The following GLIS3 variants were observed in gnomAD, a reference collection of about 807,000 sequenced individuals.
The protein encoded by GLIS3 is zinc finger protein GLIS3.
Under a neutral mutation model 78.6 loss-of-function variants are expected in GLIS3, and 53 were observed. The observed-to-expected ratio is 0.67, with a 90% confidence interval of 0.54 to 0.85. The LOEUF is 0.85. GLIS3 is among the 40% of genes least tolerant of loss of function. GLIS3 has a pLI of 0.00. For synonymous variants in GLIS3, 684 were observed against 509.9 expected (o/e 1.34, Z -4.60); for missense variants, 1,703 against 1,231.1 (o/e 1.38, Z -5.74).
chr9:4,046,427 C>T (rs946610374), intron 4 of GLIS3, among the ~76,000 whole-genome samples: 16 of 152,132 alleles, frequency 1.1e-4, no homozygotes, highest in African/African-American at 3.4e-4. Context: ...GGATATAACA[C>T]TTTGGGGCCC....
chr9:3,850,893 A>G (rs1310445437), intron 9 of GLIS3, among the ~76,000 whole-genome samples: 3 of 152,160 alleles, frequency 2.0e-5, no homozygotes, highest in Non-Finnish European at 4.4e-5. Context: ...CCAATAAGGT[A>G]TTTATCTTCA....
rs1341001486 is a variant in GLIS3 at position 3,827,113 on chromosome 9, TG to T, written c.*1158del. The T allele has an allele frequency of 1.3e-5, 2 of 152,156 alleles. No homozygotes were observed. Among genetic ancestry groups the T allele is most frequent in the Non-Finnish European group, 2.9e-5 (2 of 68,038 alleles). The allele number at this position is 152,156 out of a possible 1,614,324, so 9.4% of individuals were successfully genotyped here. ...AAGATGATCAGACAATGGCGGCTGGTGGGGATATATGAACCACAGTCAGGAA... is the reference window on the plus strand; with the variant it reads ...AAGATGATCAGACAATGGCGGCTGGTGGGATATATGAACCACAGTCAGGAA... On this transcript the variant is annotated 3_prime_UTR_variant, in exon 11 of 11. Transcript: ENST00000381971.
At position 4,249,150 on chromosome 9, in the gene GLIS3, T is replaced by C. The variant is rs182639966; in HGVS notation, c.388+36888A>G. Among the ~76,000 whole-genome samples the C allele has an allele frequency of 1.9e-4, 29 of 152,328 alleles. 1 individual carries two copies. The highest frequency in any genetic ancestry group is 1.7e-3 in the Admixed American group (26 of 15,302). On this transcript the variant is annotated intron_variant, in intron 2 of 10. Transcript: ENST00000381971. ...TCCATATGAAATTTAAAGCAGTTTT[T>C]TCTAATTCTGTAAAGAAAATAGCTT...
the GLIS3 span, among the ~76,000 whole-genome samples, chr9:4,397,360 G>C: frequency 2.4e-3 from 370 of 151,760 alleles, 5 homozygotes; most frequent in African/African-American, 8.3e-3. Context: ...GGTTTTGTTT[G>C]TTTGGTTTTT....
intron 2 of GLIS3, among the ~76,000 whole-genome samples, chr9:4,166,812 G>T (rs1815885098): frequency 6.6e-6 from 1 of 152,212 alleles, no homozygotes; most frequent in Admixed American, 6.5e-5. Flanking sequence ...TCACCTAAGG[G>T]TAATTAAGAG....
chr9:4,358,668 TGTACA>T, the GLIS3 span, among the ~76,000 whole-genome samples: 1,442 of 152,288 alleles, frequency 9.5e-3, 22 homozygotes, highest in African/African-American at 0.033. Flanking sequence ...TGGCATGCCT[TGTACA>T]GTAGTCTTTC....
At chr9:4,098,160 G>A (rs1830105296) in intron 4 of GLIS3, among the ~76,000 whole-genome samples, 1 of 152,188 alleles carries the variant, frequency 6.6e-6, no homozygotes, top group South Asian at 2.1e-4. Flanking sequence ...GGATCTCACT[G>A]AAGCTACAGA....
chr9:4,098,648 T>G (rs1408577181), intron 4 of GLIS3, among the ~76,000 whole-genome samples: 1 of 152,210 alleles, frequency 6.6e-6, no homozygotes, highest in Non-Finnish European at 1.5e-5. Context: ...AATCTCAAAT[T>G]TATTGAAATA....
the GLIS3 span, among the ~76,000 whole-genome samples, chr9:4,361,721 G>A: frequency 6.6e-6 from 1 of 152,154 alleles, no homozygotes; most frequent in African/African-American, 2.4e-5. Context: ...GGAAGAGTCG[G>A]CATTAAAAGT....
At chr9:3,980,813 T>TTTC (rs201436802) in intron 4 of GLIS3, among the ~76,000 whole-genome samples, 37 of 152,174 alleles carry the variant, frequency 2.4e-4, no homozygotes, top group South Asian at 4.2e-4. Context: ...CTCACTGACT[T>TTTC]TTCTTCTTCT....
the GLIS3 span, among the ~76,000 whole-genome samples, chr9:4,473,300 G>A: frequency 2.0e-5 from 3 of 152,110 alleles, no homozygotes; most frequent in Non-Finnish European, 4.4e-5. Context: ...ACAAAAAGTA[G>A]CTGAGCATGA....
rs1278322803 is a variant in GLIS3, at chr9:3,829,467, G to C, written c.2499C>G (p.Phe833Leu). 2 of 1,614,124 alleles carry C rather than the reference G, an allele frequency of 1.2e-6. No individual in the cohort carries two copies. Among genetic ancestry groups the C allele is most frequent in the Admixed American group, 1.7e-5 (1 of 60,022 alleles). ...VHGFYGQLQK[F>L]CPPHYPDSQR... is the part of the protein sequence containing the mutation. The stretch of plus-strand genomic sequence containing the variant: ...GGGAATCGGGGTAGTGTGGGGGACA[G>C]AACTTCTGCAGCTGCCCATAAAATC... The change falls in exon 10 of 11, where the codon TTC becomes TTG. Residue 833 changes from phenylalanine to leucine, a missense_variant. By Grantham distance (22) the Phe-to-Leu change is conservative. Transcript: ENST00000381971.
intron 9 of GLIS3, among the ~76,000 whole-genome samples, chr9:3,839,121 AAGC>A (rs1287255099): frequency 1.3e-5 from 2 of 152,198 alleles, no homozygotes; most frequent in African/African-American, 4.8e-5. Flanking sequence ...TTTGTCCTGT[AAGC>A]AGGTACTTCA....
intron 4 of GLIS3, among the ~76,000 whole-genome samples, chr9:3,964,732 G>C (rs193199849): frequency 2.0e-5 from 3 of 152,274 alleles, no homozygotes; most frequent in African/African-American, 4.8e-5. Context: ...ATTGGTATCA[G>C]GTGAAATGAT....
rs1817706052 is a variant in GLIS3, at chr9:3,963,351, G to C, written c.1711-26162C>G. The stretch of plus-strand genomic sequence containing the variant: ...GAGCTCTGAACAAAACTGGCAGTGA[G>C]AGTATGCTGGAATATTGAAGTGACG... On this transcript the variant is annotated intron_variant, in intron 4 of 10. Transcript: ENST00000381971. Among the ~76,000 whole-genome samples, 4 of 152,278 alleles carry C rather than the reference G, an allele frequency of 2.6e-5. 1 individual carries two copies. Among genetic ancestry groups the C allele is most frequent in the Admixed American group, 2.6e-4 (4 of 15,300 alleles).
chr9:4,114,251 G>A (rs569555516), intron 4 of GLIS3, among the ~76,000 whole-genome samples: 5 of 152,128 alleles, frequency 3.3e-5, no homozygotes, highest in African/African-American at 1.2e-4. Flanking sequence ...CCCAACCATT[G>A]CACAGTCTTC....
intron 2 of GLIS3, among the ~76,000 whole-genome samples, chr9:4,189,294 G>A (rs2131209586): frequency 6.6e-6 from 1 of 152,274 alleles, no homozygotes; most frequent in South Asian, 2.1e-4. Context: ...CAGTTTCCAT[G>A]TAGCTGAGCG....
At chr9:4,227,911 T>C (rs1166436447) in intron 2 of GLIS3, among the ~76,000 whole-genome samples, 3 of 152,304 alleles carry the variant, frequency 2.0e-5, no homozygotes, top group African/African-American at 7.2e-5. Context: ...GGCAAAGAAA[T>C]GGTGGCATCG....
rs377419083 is a variant in GLIS3 at position 4,118,218 on chromosome 9, G to C, written c.1260C>G (p.Pro420=). The C allele has an allele frequency of 1.9e-6, 3 of 1,583,950 alleles. No homozygotes were observed. Among genetic ancestry groups the C allele is most frequent in the Non-Finnish European group, 2.6e-6 (3 of 1,165,190 alleles). ...TGAACAGGCCGGCCGACTGGCTGTCGGGGCCCGGCAGGCCATGCTGCACCA... is the reference window on the plus strand; with the variant it reads ...TGAACAGGCCGGCCGACTGGCTGTCCGGGCCCGGCAGGCCATGCTGCACCA... The part of the protein sequence containing the change: ...HMVVQHGLPG[P]DSQSAGLFKT... Residue 420 remains proline, a synonymous_variant, in exon 4 of 11, where the codon CCC becomes CCG. Transcript: ENST00000381971. This position sits in a 1 kb window ranked among gnomAD's most constrained non-coding sequence, Gnocchi z 4.7.
Sources: gnomAD v4.1 joint callset for allele counts (sites outside exome capture counted in the v4.1 genomes callset) on GRCh38, gnomAD v4.1.1 for gene constraint, Gnocchi (gnomAD v3.1) non-coding constraint, MANE v1.5 for transcripts, NCBI Gene and HGNC (gene_info 2026-07-23, HGNC 2026-07-21) for gene names.